Variants in ZNF140 observed in about 807,000 individuals in gnomAD.
ZNF140 encodes zinc finger protein 140 (clone pHZ-39).
A neutral mutation model predicts 12.9 loss-of-function variants in ZNF140; 13 were observed. The ratio of observed to expected loss-of-function variants is 1.01; its 90% CI spans 0.66 to 1.60. ZNF140 has a LOEUF of 1.60. ZNF140 is among the 40% of genes most tolerant of loss of function. ZNF140 has a pLI of 0.00. For missense variants in ZNF140, 531 were observed against 548.8 expected, an observed-to-expected ratio of 0.97 and a Z score of 0.32; for synonymous variants, 214 against 186.7, an observed-to-expected ratio of 1.15 and a Z score of -1.19.
intron 4 of ZNF140, among the ~76,000 whole-genome samples, chr12:133,084,916 C>A (rs944182121): frequency 2.6e-5 from 4 of 151,630 alleles, no homozygotes; most frequent in Non-Finnish European, 2.9e-5. Context: ...TTAGTGGGAG[C>A]AAATGAGGAA....
In ZNF140 at chr12:133,083,162, T is replaced by C; in HGVS notation, c.69T>C (p.Leu23=). The change falls in exon 3 of 5, where the codon CTT becomes CTC. Residue 23 remains leucine (L), a synonymous_variant. Transcript: ENST00000355557. ...IDFSQEEWKW[L]QPAQRDLYRC... The stretch of plus-strand genomic sequence containing the variant: ...TCTCCCAGGAGGAGTGGAAATGGCT[T>C]CAGCCTGCTCAAAGAGATTTGTACA... 1 of 1,614,230 alleles carries C rather than the reference T, an allele frequency of 6.2e-7. No individual in the cohort carries two copies. The highest frequency in any genetic ancestry group is 8.5e-7 in the Non-Finnish European group (1 of 1,180,042).
intron 4 of ZNF140, among the ~76,000 whole-genome samples, chr12:133,086,146 G>A (rs1954669407): frequency 6.6e-6 from 1 of 152,104 alleles, no homozygotes; most frequent in African/African-American, 2.4e-5. Context: ...TAGAGATACT[G>A]CAAGCAATGC....
intron 4 of ZNF140, chr12:133,084,180 T>C: frequency 6.8e-6 from 3 of 439,192 alleles, no homozygotes; most frequent in Non-Finnish European, 1.3e-5. Context: ...TTGTTTTTTC[T>C]TTCCTTTCTT....
At chr12:133,098,979 G>A (rs982866054) in intron 4 of ZNF140, among the ~76,000 whole-genome samples, 116 of 152,204 alleles carry the variant, frequency 7.6e-4, no homozygotes, top group African/African-American at 2.7e-3. Context: ...GGGTTTAAGC[G>A]ATTCTTCTGC....
At chr12:133,095,171 A>T (rs1955023370) in intron 4 of ZNF140, among the ~76,000 whole-genome samples, 1 of 151,230 alleles carries the variant, frequency 6.6e-6, no homozygotes, top group Admixed American at 6.6e-5. Flanking sequence ...CAATCTTTTA[A>T]ATCTAAAGTT....
In ZNF140 at chr12:133,105,748, G is replaced by T; in HGVS notation, c.471G>T (p.Val157=). The change falls in exon 5 of 5, where the codon GTG becomes GTT. Residue 157 remains valine, a synonymous_variant. Transcript: ENST00000355557. The part of the protein sequence containing the change: ...ALAQHMNIST[V]ERPYGCHECG... ...CTCAACATATGAATATCAGTACTGT[G>T]GAGAGGCCCTATGGATGCCATGAAT... The T allele has an allele frequency of 6.2e-7, 1 of 1,614,172 alleles. No individual in the cohort carries two copies. The highest frequency in any genetic ancestry group is 8.5e-7 in the Non-Finnish European group (1 of 1,180,040).
Position 133,104,512 on chromosome 12 carries a change from T to C in ZNF140, c.233-998T>C, listed in dbSNP as rs941960565. 8.8e-3 allele frequency among the ~76,000 whole-genome samples: 1,338 copies of C among 152,138 alleles called. 20 individuals are homozygous for C. The highest frequency in any genetic ancestry group is 0.031 in the African/African-American group (1,280 of 41,498). On this transcript the variant is annotated intron_variant, in intron 4 of 4. Transcript: ENST00000355557. The stretch of plus-strand genomic sequence containing the variant: ...GACTACAGGTGCATGCCATCACGCC[T>C]GGCTAATTTTTTGTATTCTTAGTAG...
At chr12:133,086,344 C>T (rs1458186816) in intron 4 of ZNF140, among the ~76,000 whole-genome samples, 1 of 152,156 alleles carries the variant, frequency 6.6e-6, no homozygotes, top group Non-Finnish European at 1.5e-5. Flanking sequence ...TGTTGGGCAT[C>T]GTAATTTTCA....
chr12:133,093,369 C>T, intron 4 of ZNF140: 1 of 686,642 alleles, frequency 1.5e-6, no homozygotes, highest in East Asian at 2.7e-5. Context: ...ATTAAAGCTG[C>T]AAGCAGCATA....
At chr12:133,083,951 C>G (rs2137483975) in intron 4 of ZNF140, among the ~76,000 whole-genome samples, 2 of 150,520 alleles carry the variant, frequency 1.3e-5, no homozygotes, top group Non-Finnish European at 3.0e-5. Flanking sequence ...CAGAGCAAGA[C>G]TCCATCTCAA....
upstream of ZNF140, chr12:133,080,550 AGGTCTGTGTACTCTTCCGCGG>A: frequency 6.6e-6 from 1 of 152,250 alleles, no homozygotes; most frequent in Non-Finnish European, 1.5e-5. Flanking sequence ...AGGAACACAA[AGGTCTGTGTACTCTTCCGCGG>A]GGGGCCGCGG....
chr12:133,103,343 T>G (rs1370851567), intron 4 of ZNF140, among the ~76,000 whole-genome samples: 2 of 152,174 alleles, frequency 1.3e-5, no homozygotes, highest in African/African-American at 4.8e-5. Context: ...TTCTGTTGCC[T>G]GAATTCCTGG....
At chr12:133,088,744 G>A (rs1954763381) in intron 4 of ZNF140, among the ~76,000 whole-genome samples, 1 of 152,292 alleles carries the variant, frequency 6.6e-6, no homozygotes, top group South Asian at 2.1e-4. Flanking sequence ...ATATTATCAT[G>A]TGATTTTATT....
chr12:133,087,034 A>G (rs999074604), intron 4 of ZNF140, among the ~76,000 whole-genome samples: 28 of 142,806 alleles, frequency 2.0e-4, no homozygotes, highest in African/African-American at 8.3e-4. Flanking sequence ...ATTTTATTGT[A>G]TTTGTCTTAC....
chr12:133,101,299 T>C (rs1411562215), intron 4 of ZNF140, among the ~76,000 whole-genome samples: 1 of 152,226 alleles, frequency 6.6e-6, no homozygotes, highest in Non-Finnish European at 1.5e-5. Flanking sequence ...ATGCGTATAT[T>C]ACATCATTTG....
At chr12:133,102,695 G>A (rs1033604263) in intron 4 of ZNF140, among the ~76,000 whole-genome samples, 11 of 137,026 alleles carry the variant, frequency 8.0e-5, no homozygotes, top group Non-Finnish European at 1.6e-4. Context: ...GTTGCAGTGA[G>A]CCAAGATCGT....
intron 4 of ZNF140, among the ~76,000 whole-genome samples, chr12:133,086,990 C>T (rs1014475575): frequency 1.3e-5 from 2 of 152,178 alleles, no homozygotes; most frequent in Admixed American, 1.3e-4. Context: ...TTGCTCAAAT[C>T]TATACAGCCT....
chr12:133,105,685 T>C lies in ZNF140; in HGVS notation c.408T>C (p.Cys136=). ...AGATGCTGCAAGAAAATCAGGGATG[T>C]ATTAGGAAAGTAACAGTCTCTCATC... ...HTEMLQENQG[C]IRKVTVSHQE... Residue 136 remains cysteine (C), a synonymous_variant, in exon 5 of 5, where the codon TGT becomes TGC. Coordinates refer to ENST00000355557, the MANE Select transcript of ZNF140 (RefSeq NM_003440.4). 1 of 1,614,154 alleles carries C rather than the reference T, an allele frequency of 6.2e-7. No individual in the cohort carries two copies. The highest frequency in any genetic ancestry group is 8.5e-7 in the Non-Finnish European group (1 of 1,180,020).
At chr12:133,095,564 T>C (rs1014273791) in intron 4 of ZNF140, among the ~76,000 whole-genome samples, 38 of 151,700 alleles carry the variant, frequency 2.5e-4, no homozygotes, top group African/African-American at 8.7e-4. Flanking sequence ...AGACAAAGTA[T>C]AGAGAAACAA....
Sources: allele counts gnomAD v4.1 joint callset (sites outside exome capture counted in the v4.1 genomes callset), GRCh38; gene constraint gnomAD v4.1.1; transcripts MANE v1.5; gene names NCBI Gene and HGNC (gene_info 2026-07-23, HGNC 2026-07-21).